Variants in AKR1E2 observed in about 807,000 individuals in gnomAD.
AKR1E2 encodes the protein 1,5-anhydro-D-fructose reductase.
In AKR1E2, 43 loss-of-function variants were observed where a neutral mutation model predicts 41.9. The observed-to-expected ratio is 1.03, with a 90% confidence interval of 0.80 to 1.32. AKR1E2 has a LOEUF of 1.32. AKR1E2 is among the 40% of genes most tolerant of loss of function. The pLI, the probability that AKR1E2 is intolerant of heterozygous loss-of-function variation, is 0.00. For synonymous variants in AKR1E2, 121 were observed against 138.9 expected (o/e 0.87, Z 0.91); for missense variants, 423 against 396.5 (o/e 1.07, Z -0.57).
chr10:4,826,912 CA>C (rs1055459973), intron 1 of AKR1E2, among the ~76,000 whole-genome samples: 1 of 151,674 alleles, frequency 6.6e-6, no homozygotes, highest in Non-Finnish European at 1.5e-5. Flanking sequence ...CCTGTTTCTA[CA>C]AAAAATGAAC....
intron 1 of AKR1E2, among the ~76,000 whole-genome samples, chr10:4,826,935 G>T (rs934497338): frequency 6.6e-6 from 1 of 151,972 alleles, no homozygotes; most frequent in African/African-American, 2.4e-5. Context: ...AATCAGCTGG[G>T]CTTGGGGGTG....
In AKR1E2 at chr10:4,837,655, C is replaced by A. The variant is rs1833539737; in HGVS notation, c.582+74C>A. 11 of 1,563,596 alleles carry A rather than the reference C, an allele frequency of 7.0e-6. 1 individual carries two copies. In the South Asian group the frequency reaches 1.3e-4, roughly 18 times the overall value. ...CAGCTGCCACCTCCACAGGGCTCTT[C>A]TGGAAATGGAAGAATGGGTGAAGCA... On this transcript the variant is annotated intron_variant, in intron 5 of 9. Coordinates refer to ENST00000298375, the MANE Select transcript of AKR1E2 (RefSeq NM_001040177.3).
chr10:4,846,048 AGG>A, intron 8 of AKR1E2: 1 of 361,678 alleles, frequency 2.8e-6, no homozygotes. Context: ...TGCTGCTGCA[AGG>A]CTGCCTACCC....
downstream of AKR1E2, among the ~76,000 whole-genome samples, chr10:4,852,451 G>A (rs185755437): frequency 4.6e-5 from 7 of 152,292 alleles, 1 homozygote; most frequent in South Asian, 4.1e-4. Flanking sequence ...ACTGTGGTGC[G>A]ATTAATTCTT....
chr10:4,857,704 G>C, the AKR1E2 span, among the ~76,000 whole-genome samples: 1 of 152,054 alleles, frequency 6.6e-6, no homozygotes, highest in South Asian at 2.1e-4. Context: ...TTTTTAAAAA[G>C]ATTCATCCAT....
intron 5 of AKR1E2, among the ~76,000 whole-genome samples, chr10:4,837,996 T>C (rs546476799): frequency 6.6e-6 from 1 of 152,240 alleles, no homozygotes; most frequent in South Asian, 2.1e-4. Context: ...CTGAAGGTGA[T>C]GCAGGCACTT....
intron 8 of AKR1E2, chr10:4,845,658 GC>G: frequency 4.4e-6 from 2 of 456,982 alleles, no homozygotes; most frequent in Non-Finnish European, 4.5e-6. Context: ...GGGCCACATC[GC>G]CCCAGTTCTG....
the AKR1E2 span, among the ~76,000 whole-genome samples, chr10:4,862,049 T>C: frequency 1.3e-5 from 2 of 152,154 alleles, no homozygotes; most frequent in Non-Finnish European, 2.9e-5. Context: ...TCTTCTAGGG[T>C]TTTTATGGTT....
rs138083633 is a variant in AKR1E2 at position 4,841,840 on chromosome 10, G to A, written c.736G>A (p.Gly246Ser). The A allele has an allele frequency of 1.5e-4, 248 of 1,613,542 alleles. No homozygotes were observed. Among genetic ancestry groups the A allele is most frequent in the South Asian group, 7.9e-4 (72 of 90,984 alleles). The change falls in exon 7 of 10, where the codon GGC becomes AGC. Residue 246 changes from glycine to serine, a missense_variant. Gly to Ser is a moderately conservative substitution (Grantham distance 56). Coordinates refer to ENST00000298375, the MANE Select transcript of AKR1E2 (RefSeq NM_001040177.3). ...PVIKRIAKEH[G>S]KSPAQILIRF... The stretch of plus-strand genomic sequence containing the variant: ...GATCAAGAGGATTGCAAAGGAGCAC[G>A]GCAAGTCTCCTGCTCAGGTAGGGAG...
At chr10:4,847,355 G>C in intron 9 of AKR1E2, 125 bp downstream of exon 9, 2 of 1,544,300 alleles carry the variant, frequency 1.3e-6, no homozygotes, top group Non-Finnish European at 1.8e-6. Context: ...ATTCTTTCCT[G>C]TTTGAAGATG....
intron 2 of AKR1E2, among the ~76,000 whole-genome samples, chr10:4,831,437 G>A (rs1053703065): frequency 6.6e-6 from 1 of 152,146 alleles, no homozygotes; most frequent in African/African-American, 2.4e-5. Flanking sequence ...TCACAATCAT[G>A]GCAAAAGGCG....
rs369025753 is a variant in AKR1E2 at position 4,847,472 on chromosome 10, T to C, written c.921-16T>C. On this transcript the variant is annotated splice_polypyrimidine_tract_variant and intron_variant, in intron 9 of 9. Transcript: ENST00000298375. The stretch of plus-strand genomic sequence containing the variant: ...ATTCTTTGTTCCTATTTTTGATTTG[T>C]TTTTCTGTTTTTCAGAACTAAAAAT... 145 of 1,610,076 alleles carry C rather than the reference T, an allele frequency of 9.0e-5. No individual in the cohort carries two copies. Among genetic ancestry groups the C allele is most frequent in the Non-Finnish European group, 1.1e-4 (132 of 1,178,282 alleles).
At chr10:4,829,991 C>A (rs1832845977) in intron 1 of AKR1E2, among the ~76,000 whole-genome samples, 1 of 152,188 alleles carries the variant, frequency 6.6e-6, no homozygotes, top group African/African-American at 2.4e-5. Context: ...TAGCTTTCAA[C>A]CACTCTGAAT....
chr10:4,831,004 G>A (rs1314805486), intron 2 of AKR1E2, among the ~76,000 whole-genome samples, 162 bp downstream of exon 2: 1 of 152,184 alleles, frequency 6.6e-6, no homozygotes, highest in Non-Finnish European at 1.5e-5. Flanking sequence ...ATTGTGTGCA[G>A]GTTTGTTTCA....
chr10:4,841,633 T>C (rs892107654), intron 6 of AKR1E2, 152 bp from the exon 7 acceptor site: 2 of 522,616 alleles, frequency 3.8e-6, no homozygotes, highest in African/African-American at 1.9e-5. Flanking sequence ...TGTGGGGCGA[T>C]GTGCTTTTCT....
chr10:4,849,032 G>A (rs1479096211), downstream of AKR1E2, among the ~76,000 whole-genome samples: 3 of 152,220 alleles, frequency 2.0e-5, no homozygotes, highest in African/African-American at 7.2e-5. Context: ...GCAGGGATGT[G>A]TAGAAACCTT....
chr10:4,831,873 T>G (rs1442974433), intron 2 of AKR1E2, among the ~76,000 whole-genome samples: 4 of 152,174 alleles, frequency 2.6e-5, no homozygotes, highest in African/African-American at 9.7e-5. Flanking sequence ...CAACTTGTGT[T>G]GTATATAGGA....
chr10:4,862,195 C>T, the AKR1E2 span, among the ~76,000 whole-genome samples: 1 of 152,164 alleles, frequency 6.6e-6, no homozygotes, highest in Non-Finnish European at 1.5e-5. Context: ...GGAATCCTTT[C>T]CCCGTTTCTT....
At chr10:4,866,177 C>T in the AKR1E2 span, among the ~76,000 whole-genome samples, 1 of 152,206 alleles carries the variant, frequency 6.6e-6, no homozygotes, top group Non-Finnish European at 1.5e-5. Context: ...TCCACTTCCT[C>T]CTTCCTGTGC....
Sources: allele counts gnomAD v4.1 joint callset (sites outside exome capture counted in the v4.1 genomes callset), GRCh38; gene constraint gnomAD v4.1.1; transcripts MANE v1.5; gene names NCBI Gene and HGNC (gene_info 2026-07-23, HGNC 2026-07-21).